The following ZNF799 variants were observed in gnomAD, a reference collection of about 807,000 sequenced individuals.
ZNF799 encodes zinc finger protein 14.
ZNF799 carries 28 observed loss-of-function variants against 41.0 expected under a neutral mutation model. The observed-to-expected ratio is 0.68, with a 90% confidence interval of 0.51 to 0.94. ZNF799 has a LOEUF of 0.94. Among genes scored for constraint, ZNF799 ranks in the 40% least tolerant of loss-of-function variants. The pLI, the probability that ZNF799 is intolerant of heterozygous loss-of-function variation, is 0.00. For missense variants in ZNF799, 716 were observed against 764.3 expected, an observed-to-expected ratio of 0.94 and a Z score of 0.74; for synonymous variants, 213 against 252.9, an observed-to-expected ratio of 0.84 and a Z score of 1.50.
At chr19:12,406,428 G>A in the ZNF799 span, among the ~76,000 whole-genome samples, 5 of 150,728 alleles carry the variant, frequency 3.3e-5, no homozygotes, top group Admixed American at 1.3e-4. Flanking sequence ...AGCTTGCAGT[G>A]AGCCGAGATC....
intron 1 of ZNF799, chr19:12,394,873 T>C (rs1484536686): frequency 1.0e-6 from 1 of 985,108 alleles, no homozygotes; most frequent in Non-Finnish European, 1.2e-6. Flanking sequence ...TAAAGGATTT[T>C]ATTTGGCACC....
At chr19:12,403,342 G>A (rs1599611067), upstream of ZNF799, among the ~76,000 whole-genome samples, 2 of 151,594 alleles carry the variant, frequency 1.3e-5, no homozygotes, top group South Asian at 4.2e-4. Flanking sequence ...CTACCTCAAG[G>A]TTTGTCAGTT....
chr19:12,408,029 A>G, the ZNF799 span, among the ~76,000 whole-genome samples: 1 of 152,052 alleles, frequency 6.6e-6, no homozygotes, highest in African/African-American at 2.4e-5. Flanking sequence ...TGGTGGCACA[A>G]ACTGTAGTCA....
chr19:12,408,021 G>A, the ZNF799 span, among the ~76,000 whole-genome samples: 1 of 152,024 alleles, frequency 6.6e-6, no homozygotes, highest in Non-Finnish European at 1.5e-5. Flanking sequence ...CTTGGGCATG[G>A]TGGCACAAAC....
chr19:12,406,168 CAAAAAAAAAAAAAAAAA>C (rs1234044170), upstream of ZNF799, among the ~76,000 whole-genome samples: 5 of 58,988 alleles, frequency 8.5e-5, no homozygotes, highest in African/African-American at 2.6e-4. Flanking sequence ...GACTCTGTCT[CAAAAAAAAAAAAAAAAA>C]GAAAAAAAAA....
chr19:12,391,306 G>C lies in ZNF799; in HGVS notation c.1092C>G (p.Leu364=), dbSNP rs1969811287. The change falls in exon 4 of 4, where the codon CTC becomes CTG. Residue 364 remains leucine (L), a synonymous_variant. Transcript: ENST00000430385. ...SHERTHTGEK[L]YECKQCGKAL... is the part of the protein sequence containing the mutation. ...CTTTCCCACACTGCTTGCATTCATA[G>C]AGTTTCTCTCCAGTGTGAGTTCTTT... 6.2e-7 allele frequency: 1 copy of C among 1,613,898 alleles called. No individual in the cohort carries two copies. Among genetic ancestry groups the C allele is most frequent in the Admixed American group, 1.7e-5 (1 of 59,990 alleles).
At chr19:12,407,336 A>G in the ZNF799 span, among the ~76,000 whole-genome samples, 3 of 152,058 alleles carry the variant, frequency 2.0e-5, no homozygotes, top group African/African-American at 7.2e-5. Flanking sequence ...GGTGGTGCAC[A>G]TCTGTGATAC....
chr19:12,401,314 TCAGGTGCCGCC>T, upstream of ZNF799: 3 of 1,226,164 alleles, frequency 2.4e-6, no homozygotes, highest in Non-Finnish European at 3.3e-6. Flanking sequence ...GGATACGGCG[TCAGGTGCCGCC>T]CCTCGTGGAC....
upstream of ZNF799, chr19:12,401,278 C>T: frequency 7.3e-7 from 1 of 1,362,298 alleles, no homozygotes. Context: ...TGACAGTTCC[C>T]ACGAACCCGC....
chr19:12,392,533 G>C lies in ZNF799; in HGVS notation c.191+70C>G, dbSNP rs2014363. On this transcript the variant is annotated intron_variant, in intron 3 of 3. Coordinates refer to ENST00000430385, the MANE Select transcript of ZNF799 (RefSeq NM_001080821.3). ...CTAGGCTTGTTCATTTTCTTTGCTTGTTTTTAAATTTTCATATCATTCTCA... is the reference window on the plus strand; with the variant it reads ...CTAGGCTTGTTCATTTTCTTTGCTTCTTTTTAAATTTTCATATCATTCTCA... 1.9e-3 allele frequency: 2,653 copies of C among 1,409,726 alleles called. 29 individuals are homozygous for C. In the African/African-American group the frequency reaches 0.031, roughly 17 times the overall value. 87.3% of individuals were successfully genotyped at this position (1,409,726 alleles called of 1,614,324 possible).
At chr19:12,410,290 TA>T in the ZNF799 span, among the ~76,000 whole-genome samples, 1 of 129,012 alleles carries the variant, frequency 7.8e-6, no homozygotes, top group Admixed American at 8.2e-5. Context: ...TATATATATA[TA>T]TATATATCTT....
At chr19:12,403,553 T>C (rs1269167159), upstream of ZNF799, among the ~76,000 whole-genome samples, 1 of 150,256 alleles carries the variant, frequency 6.7e-6, no homozygotes. Flanking sequence ...TTCTTCTTCT[T>C]CTTTTTTTTT....
In ZNF799 at chr19:12,390,987, C is replaced by T. The variant is rs201917554; in HGVS notation, c.1411G>A (p.Ala471Thr). The T allele has an allele frequency of 1.7e-4, 277 of 1,614,020 alleles. No homozygotes were observed. The highest frequency in any genetic ancestry group is 3.3e-4 in the Middle Eastern group (2 of 6,060). The change falls in exon 4 of 4, where the codon GCT (alanine) becomes ACT (threonine). Residue 471 changes from alanine to threonine, a missense_variant. Around this residue, in one of 2 missense-constraint regions of ZNF799, gnomAD observed 698 missense variants for 713.6 expected, o/e 0.98. Coordinates refer to ENST00000430385, the MANE Select transcript of ZNF799 (RefSeq NM_001080821.3). ...YSFQNHKTTH[A>T]GEKPYECKEC... ...TTACACTCATATGGCTTCTCTCCAG[C>T]ATGAGTTGTTTTGTGATTTTGAAAG...
chr19:12,391,353 GACAATCAA>G lies in ZNF799; in HGVS notation c.1037_1044del (p.Phe346SerfsTer2). ...CTTTCATGACTTTTCAGTGAACTAG[GACAATCAA>G]AGCCTTTTCCACATATCTTACACTT... On this transcript the variant is annotated frameshift_variant, in exon 4 of 4. Coordinates refer to ENST00000430385, the MANE Select transcript of ZNF799 (RefSeq NM_001080821.3). LOFTEE classifies it high-confidence loss of function. 6.2e-7 allele frequency: 1 copy of G among 1,613,974 alleles called. No homozygotes were observed. Among genetic ancestry groups the G allele is most frequent in the Admixed American group, 1.7e-5 (1 of 59,990 alleles).
intron 1 of ZNF799, chr19:12,400,836 C>A (rs1015337629): frequency 1.5e-6 from 1 of 676,978 alleles, no homozygotes; most frequent in African/African-American, 1.9e-5. Context: ...CGCGGAGCTG[C>A]CCAGAGAGGG....
At chr19:12,409,313 G>A in the ZNF799 span, among the ~76,000 whole-genome samples, 21 of 152,268 alleles carry the variant, frequency 1.4e-4, no homozygotes, top group East Asian at 7.7e-4. Flanking sequence ...ACTGCCTGCC[G>A]CTCATCTCCT....
chr19:12,412,253 A>G, the ZNF799 span, among the ~76,000 whole-genome samples: 3 of 152,172 alleles, frequency 2.0e-5, no homozygotes, highest in Admixed American at 6.5e-5. Context: ...GGGCCCCAAT[A>G]AAGGCTTCAG....
intron 1 of ZNF799, among the ~76,000 whole-genome samples, chr19:12,399,919 G>C (rs1465295845): frequency 6.6e-6 from 1 of 152,124 alleles, no homozygotes; most frequent in Non-Finnish European, 1.5e-5. Flanking sequence ...CAAGGTGCTG[G>C]AATTACAGGA....
chr19:12,394,589 AAC>A, intron 1 of ZNF799: 1 of 985,424 alleles, frequency 1.0e-6, no homozygotes, highest in Non-Finnish European at 1.2e-6. Context: ...GAAGTATGAC[AAC>A]AGACTGAGAA....
Sources: gnomAD v4.1 joint callset for allele counts (sites outside exome capture counted in the v4.1 genomes callset) on GRCh38, gnomAD v4.1.1 for gene constraint, gnomAD v4.1.1 regional missense constraint, MANE v1.5 for transcripts, NCBI Gene and HGNC (gene_info 2026-07-23, HGNC 2026-07-21) for gene names.